Variants in AIG1 observed in about 807,000 individuals in gnomAD.
AIG1 encodes the protein androgen induced 1.
AIG1 carries 23 observed loss-of-function variants against 31.4 expected under a neutral mutation model. The ratio of observed to expected loss-of-function variants is 0.73; its 90% CI spans 0.53 to 1.04. The LOEUF (loss-of-function observed/expected upper bound fraction) is 1.04, where lower values mean the gene tolerates loss of function less well. AIG1 is among the 50% of genes least tolerant of loss of function. The pLI is 0.00. For missense variants in AIG1, 274 were observed against 295.0 expected (o/e 0.93, Z 0.52); for synonymous variants, 100 against 110.5 (o/e 0.90, Z 0.60).
At chr6:143,186,432 G>A (rs1789264592) in intron 3 of AIG1, among the ~76,000 whole-genome samples, 1 of 152,112 alleles carries the variant, frequency 6.6e-6, no homozygotes, top group Non-Finnish European at 1.5e-5. Flanking sequence ...CCAGATTGGT[G>A]GAAACGTTTC....
rs182510900 is a variant in AIG1, at chr6:143,277,266, C to T, written c.400-6844C>T. On this transcript the variant is annotated intron_variant, in intron 3 of 5. Coordinates refer to ENST00000357847, the MANE Select transcript of AIG1 (RefSeq NM_016108.4). Reference sequence around the variant, plus strand: ...AAAAGTAAACAAAATATTCGAGTTACAATCTAGAGTGCACAATTTTTGTAT... The same window carrying T: ...AAAAGTAAACAAAATATTCGAGTTATAATCTAGAGTGCACAATTTTTGTAT... 1.9e-3 allele frequency among the ~76,000 whole-genome samples: 296 copies of T among 152,218 alleles called. 2 individuals carry two copies. Among genetic ancestry groups the T allele is most frequent in the Non-Finnish European group, 3.2e-3 (220 of 68,002 alleles).
intron 3 of AIG1, among the ~76,000 whole-genome samples, chr6:143,230,020 C>T (rs1393766203): frequency 3.3e-5 from 5 of 152,086 alleles, no homozygotes; most frequent in Non-Finnish European, 5.9e-5. Context: ...AATTGACTAG[C>T]GCTAATATCT....
chr6:143,338,117 A>C lies in AIG1; in HGVS notation c.680-1522A>C, dbSNP rs1777645223. On this transcript the variant is annotated intron_variant, in intron 5 of 5. Transcript: ENST00000357847. The surrounding 1 kb of genome is among the most constrained non-coding windows in gnomAD (Gnocchi z 4.3). The stretch of plus-strand genomic sequence containing the variant: ...CAGGAGAACGCTTTGGAAAAAACAG[A>C]CTTTAAAAAGAAAAGCAAACTGCTC... 1 of 398,312 alleles carries C rather than the reference A, an allele frequency of 2.5e-6. No homozygotes were observed. Among genetic ancestry groups the C allele is most frequent in the Admixed American group, 4.4e-5 (1 of 22,704 alleles). The allele number at this position is 398,312 out of a possible 1,614,324, so 24.7% of individuals were successfully genotyped here. A position where few individuals can be genotyped will look rare whatever the true frequency, so the allele number is the denominator to read the frequency against.
chr6:143,185,708 C>T (rs1789195964), intron 3 of AIG1, among the ~76,000 whole-genome samples: 1 of 152,032 alleles, frequency 6.6e-6, no homozygotes, highest in Non-Finnish European at 1.5e-5. Flanking sequence ...TCTTAGCATC[C>T]TCTGCATATT....
At chr6:143,239,105 C>T (rs776478173) in intron 3 of AIG1, among the ~76,000 whole-genome samples, 17 of 152,170 alleles carry the variant, frequency 1.1e-4, no homozygotes, top group South Asian at 4.1e-4. Flanking sequence ...CAGCATAATA[C>T]GTGCTTTGCC....
intron 1 of AIG1, among the ~76,000 whole-genome samples, chr6:143,079,927 C>G (rs969303269): frequency 6.6e-6 from 1 of 152,048 alleles, no homozygotes; most frequent in African/African-American, 2.4e-5. Context: ...GCCCCATGCT[C>G]TCTGGCGATA....
intron 2 of AIG1, among the ~76,000 whole-genome samples, chr6:143,161,570 C>CAT (rs149355304): frequency 0.015 from 2,198 of 145,974 alleles, 29 homozygotes; most frequent in African/African-American, 0.036. Context: ...TGTGTGTGTA[C>CAT]ATATATATAT....
chr6:143,214,772 C>T (rs942909641), intron 3 of AIG1, among the ~76,000 whole-genome samples: 45 of 152,156 alleles, frequency 3.0e-4, no homozygotes, highest in African/African-American at 1.0e-3. Context: ...CACACCTATG[C>T]TTCACCAGCC....
chr6:143,137,055 A>AG, intron 2 of AIG1, 65 bp downstream of exon 2: 1 of 1,307,180 alleles, frequency 7.7e-7, no homozygotes, highest in Non-Finnish European at 9.9e-7. Context: ...GACTTCTAAG[A>AG]GAAAAAAAAA....
chr6:143,204,840 G>A (rs1039441577), intron 3 of AIG1, among the ~76,000 whole-genome samples: 3 of 152,034 alleles, frequency 2.0e-5, no homozygotes, highest in Non-Finnish European at 2.9e-5. Flanking sequence ...GAAATTTTGA[G>A]ATGAAGATGA....
At chr6:143,271,940 G>T (rs1179774529) in intron 3 of AIG1, among the ~76,000 whole-genome samples, 1 of 152,106 alleles carries the variant, frequency 6.6e-6, no homozygotes, top group Non-Finnish European at 1.5e-5. Flanking sequence ...AAGAAGATTT[G>T]CTTAAGGGGA....
intron 3 of AIG1, among the ~76,000 whole-genome samples, chr6:143,223,053 C>T (rs904633786): frequency 6.6e-6 from 1 of 152,234 alleles, no homozygotes; most frequent in African/African-American, 2.4e-5. Context: ...ATCATTGAAT[C>T]ATTTTCCAGA....
rs117322317 is a variant in AIG1 at position 143,160,639 on chromosome 6, G to A, written c.298-4443G>A. 2.1e-3 allele frequency among the ~76,000 whole-genome samples: 316 copies of A among 152,300 alleles called. 1 individual carries two copies. Among genetic ancestry groups the A allele is most frequent in the Non-Finnish European group, 3.2e-3 (217 of 68,024 alleles). ...CACAACAGTGGAAGGTTTCAGTATCGCTTAGCCTGTCCAAGAGAAACTATT... is the reference window on the plus strand; with the variant it reads ...CACAACAGTGGAAGGTTTCAGTATCACTTAGCCTGTCCAAGAGAAACTATT... On this transcript the variant is annotated intron_variant, in intron 2 of 5. Transcript: ENST00000357847.
intron 1 of AIG1, among the ~76,000 whole-genome samples, chr6:143,136,062 A>G (rs892012965): frequency 1.3e-5 from 2 of 152,198 alleles, no homozygotes; most frequent in African/African-American, 4.8e-5. Context: ...TAGCTGATCT[A>G]AATGCTTCCA....
Position 143,165,104 on chromosome 6 carries a change from T to C in AIG1, c.320T>C (p.Ile107Thr). ...CAGTTTGTTGTAGCAGTGTTCTGGA[T>C]CATTTATGCCTATGACAGAGAGATG... is the stretch of plus-strand genomic sequence containing the variant. ...VGVFVVAVFW[I>T]IYAYDREMIY... The change falls in exon 3 of 6, where the codon ATC (isoleucine) becomes ACC (threonine). Residue 107 changes from isoleucine (I) to threonine (T), a missense_variant. Transcript: ENST00000357847. The C allele has an allele frequency of 6.2e-7, 1 of 1,613,468 alleles. No individual in the cohort carries two copies. Among genetic ancestry groups the C allele is most frequent in the Non-Finnish European group, 8.5e-7 (1 of 1,179,476 alleles).
intron 4 of AIG1, among the ~76,000 whole-genome samples, chr6:143,310,388 A>C (rs968025534): frequency 6.6e-6 from 1 of 151,966 alleles, no homozygotes; most frequent in Admixed American, 6.6e-5. Context: ...CACACTAATA[A>C]ATAACCCATG....
chr6:143,106,876 G>T (rs926191943), intron 1 of AIG1, among the ~76,000 whole-genome samples: 3 of 152,136 alleles, frequency 2.0e-5, no homozygotes, highest in African/African-American at 7.2e-5. Context: ...TGGCTTCCTA[G>T]TTCATAGACA....
chr6:143,192,878 G>A (rs949466852), intron 3 of AIG1, among the ~76,000 whole-genome samples: 4 of 152,172 alleles, frequency 2.6e-5, no homozygotes, highest in Non-Finnish European at 5.9e-5. Flanking sequence ...GGGTGGATCT[G>A]GAGAGTGGAG....
intron 2 of AIG1, among the ~76,000 whole-genome samples, chr6:143,140,143 C>G (rs1784125346): frequency 6.6e-6 from 1 of 152,148 alleles, no homozygotes; most frequent in Non-Finnish European, 1.5e-5. Context: ...GGGAACTCCC[C>G]TTTATAAAGC....
Sources: gnomAD v4.1 joint callset for allele counts (sites outside exome capture counted in the v4.1 genomes callset) on GRCh38, gnomAD v4.1.1 for gene constraint, Gnocchi (gnomAD v3.1) non-coding constraint, MANE v1.5 for transcripts, NCBI Gene and HGNC (gene_info 2026-07-23, HGNC 2026-07-21) for gene names.